Variants in ALLC observed in about 807,000 individuals in gnomAD.
ALLC encodes the protein allantoicase.
Under a neutral mutation model 45.0 loss-of-function variants are expected in ALLC, and 40 were observed. That is an observed-to-expected ratio of 0.89 (90% CI 0.69 to 1.16). The LOEUF is 1.16. Among genes scored for constraint, ALLC ranks in the 50% most tolerant of loss-of-function variants. ALLC has a pLI of 0.00. For synonymous variants in ALLC, 176 were observed against 178.1 expected, an observed-to-expected ratio of 0.99 and a Z score of 0.09; for missense variants, 488 against 493.1, an observed-to-expected ratio of 0.99 and a Z score of 0.10.
intron 2 of ALLC, among the ~76,000 whole-genome samples, chr2:3,671,588 T>C (rs1311512615): frequency 6.7e-6 from 1 of 150,224 alleles, no homozygotes. Context: ...GGAGGTCCTC[T>C]GGCTCTAGTT....
intron 1 of ALLC, among the ~76,000 whole-genome samples, chr2:3,668,131 G>A (rs1239688603): frequency 1.3e-5 from 2 of 152,204 alleles, no homozygotes; most frequent in Non-Finnish European, 2.9e-5. Context: ...AGATGGGCCC[G>A]GATAAGGGGT....
chr2:3,666,592 T>A (rs1666731165), intron 1 of ALLC, among the ~76,000 whole-genome samples: 1 of 152,054 alleles, frequency 6.6e-6, no homozygotes, highest in African/African-American at 2.4e-5. Flanking sequence ...AGATAATAAA[T>A]ATATATGCCC....
intron 10 of ALLC, among the ~76,000 whole-genome samples, chr2:3,698,407 C>A (rs1255933389): frequency 6.6e-6 from 1 of 152,144 alleles, no homozygotes; most frequent in Admixed American, 6.5e-5. Context: ...GTGAAAAGCA[C>A]CGGGATGGGA....
chr2:3,649,814 T>A, the ALLC span, among the ~76,000 whole-genome samples: 2 of 152,116 alleles, frequency 1.3e-5, no homozygotes, highest in African/African-American at 4.8e-5. Context: ...GAAACCAGAG[T>A]GCCCAGAGAC....
chr2:3,663,120 C>T (rs917249371), intron 1 of ALLC, among the ~76,000 whole-genome samples: 6 of 152,330 alleles, frequency 3.9e-5, no homozygotes, highest in Non-Finnish European at 7.3e-5. Context: ...AAGACACATG[C>T]ATGCACCTGT....
At chr2:3,673,163 G>A (rs2148000238) in intron 2 of ALLC, among the ~76,000 whole-genome samples, 1 of 152,376 alleles carries the variant, frequency 6.6e-6, no homozygotes, top group East Asian at 1.9e-4. Flanking sequence ...AGAGGTGTCT[G>A]CGAGGAGAGC....
intron 1 of ALLC, among the ~76,000 whole-genome samples, chr2:3,662,256 C>T (rs141642133): frequency 1.4e-3 from 211 of 152,248 alleles, no homozygotes; most frequent in Middle Eastern, 6.8e-3. Context: ...TCTGTGGCTT[C>T]GTTATGTCTG....
At chr2:3,647,519 G>A in the ALLC span, among the ~76,000 whole-genome samples, 3 of 148,628 alleles carry the variant, frequency 2.0e-5, no homozygotes, top group African/African-American at 7.8e-5. Context: ...TGCCGCTGGG[G>A]GTCGCTCACC....
At position 3,671,080 on chromosome 2, in the gene ALLC, G is replaced by A; in HGVS notation, c.-62-16G>A. On this transcript the variant is annotated splice_polypyrimidine_tract_variant and intron_variant, in intron 1 of 11. Coordinates refer to ENST00000252505, the MANE Select transcript of ALLC (RefSeq NM_018436.4). ...CGCAGCCCCCAAGGTTGACCGAGCT[G>A]CCCTCTCCCTTCCAGGAAGCACGGC... The A allele has an allele frequency of 1.3e-6, 2 of 1,532,308 alleles. No homozygotes were observed. Among genetic ancestry groups the A allele is most frequent in the East Asian group, 2.4e-5 (1 of 42,498 alleles). 94.9% of individuals were successfully genotyped at this position (1,532,308 alleles called of 1,614,324 possible).
At chr2:3,677,472 A>G (rs1667053811) in intron 3 of ALLC, among the ~76,000 whole-genome samples, 1 of 152,242 alleles carries the variant, frequency 6.6e-6, no homozygotes, top group African/African-American at 2.4e-5. Flanking sequence ...ACTTTCATGT[A>G]TAATGCTAAA....
chr2:3,648,134 G>C, the ALLC span, among the ~76,000 whole-genome samples: 1 of 152,162 alleles, frequency 6.6e-6, no homozygotes, highest in Non-Finnish European at 1.5e-5. Context: ...TGATGAGTCT[G>C]GGCCCTCAGG....
intron 7 of ALLC, among the ~76,000 whole-genome samples, chr2:3,694,113 T>C (rs575854130): frequency 7.9e-5 from 12 of 152,354 alleles, no homozygotes; most frequent in African/African-American, 2.9e-4. Context: ...AGCAACTTTA[T>C]ATGTCCAACC....
chr2:3,688,639 G>A, intron 7 of ALLC: 1 of 182,620 alleles, frequency 5.5e-6, no homozygotes. Context: ...TGGCTCTTTT[G>A]GCTTACCCCT....
At chr2:3,695,518 T>G (rs1667640053) in intron 7 of ALLC, 199 bp from the exon 8 acceptor site, 1 of 580,080 alleles carries the variant, frequency 1.7e-6, no homozygotes, top group African/African-American at 1.9e-5. Context: ...TTTGGAGAGC[T>G]GGGAAAGTTG....
intron 2 of ALLC, among the ~76,000 whole-genome samples, chr2:3,671,684 A>AGGTCCTCTGGCTCTAGTTAGACCTGT (rs1275547902): frequency 6.7e-6 from 1 of 149,602 alleles, no homozygotes; most frequent in Non-Finnish European, 1.5e-5. Context: ...TTTAGATCCG[A>AGGTCCTCTGGCTCTAGTTAGACCTGT]GGTCCTCTGG....
At chr2:3,661,223 T>TA (rs1666569415) in intron 1 of ALLC, among the ~76,000 whole-genome samples, 1 of 152,166 alleles carries the variant, frequency 6.6e-6, no homozygotes, top group Non-Finnish European at 1.5e-5. Context: ...CGGGAACAGA[T>TA]ATGGAGCTAT....
At chr2:3,693,957 C>T (rs1667590472) in intron 7 of ALLC, among the ~76,000 whole-genome samples, 3 of 152,108 alleles carry the variant, frequency 2.0e-5, no homozygotes, top group Admixed American at 6.5e-5. Flanking sequence ...CACTGCATTC[C>T]AGCCTGGGCA....
the ALLC span, among the ~76,000 whole-genome samples, chr2:3,646,129 T>C: frequency 1.8e-4 from 27 of 152,252 alleles, no homozygotes; most frequent in African/African-American, 6.5e-4. Context: ...ATAATAAAGA[T>C]GATGTCTCCC....
At chr2:3,664,916 A>C (rs1012053285) in intron 1 of ALLC, among the ~76,000 whole-genome samples, 5 of 149,012 alleles carry the variant, frequency 3.4e-5, no homozygotes, top group African/African-American at 1.3e-4. Flanking sequence ...ACCCCCCCCC[A>C]AACCAGATGT....
Sources: allele counts gnomAD v4.1 joint callset (sites outside exome capture counted in the v4.1 genomes callset), GRCh38; gene constraint gnomAD v4.1.1; transcripts MANE v1.5; gene names NCBI Gene and HGNC (gene_info 2026-07-23, HGNC 2026-07-21).